DMD: variants seen among roughly 807,000 people sequenced by gnomAD.
DMD encodes mutant dystrophin.
Under a neutral mutation model 330.1 loss-of-function variants are expected in DMD, and 63 were observed. That is an observed-to-expected ratio of 0.19 (90% confidence interval 0.16 to 0.24). The LOEUF (loss-of-function observed/expected upper bound fraction) is 0.24, where lower values mean the gene tolerates loss of function less well. Ranked by LOEUF, DMD falls within the 10% of genes least tolerant of loss-of-function variation. The pLI is 1.00. For synonymous variants in DMD, 1,223 were observed against 959.8 expected (o/e 1.27, Z -5.07); for missense variants, 3,344 against 2,684.1 (o/e 1.25, Z -5.43).
chrX:32,468,924 A>G (rs2040337593), intron 22 of DMD, among the ~76,000 whole-genome samples: 1 of 110,935 alleles, frequency 9.0e-6, no homozygotes, highest in Admixed American at 9.7e-5. Flanking sequence ...AACACTCCAT[A>G]TGTATTTTTC....
At position 32,697,869 on chromosome X, in the gene DMD, C is replaced by A. The variant is rs199783662; in HGVS notation, c.960+1G>T. On this transcript the variant is annotated splice_donor_variant, in intron 9 of 78. Transcript: ENST00000357033. LOFTEE classifies it high-confidence loss of function. ...ACAACAGAGAGTAAATGTTGACAGA[C>A]CTGTGAAGGAAATGGGCTCCGTGTA... 2.5e-6 allele frequency: 3 copies of A among 1,210,337 alleles called. No homozygotes were observed. Among genetic ancestry groups the A allele is most frequent in the Non-Finnish European group, 3.4e-6 (3 of 894,935 alleles).
At chrX:33,062,129 T>G (rs750249101) in intron 1 of DMD, among the ~76,000 whole-genome samples, 1 of 112,137 alleles carries the variant, frequency 8.9e-6, no homozygotes, top group South Asian at 3.7e-4. Context: ...ATTTTCAGTA[T>G]TGAATAAAGA....
intron 16 of DMD, among the ~76,000 whole-genome samples, chrX:32,554,820 GGGAGGGGGAGGGAGAGAGAGA>G: frequency 1.4e-4 from 1 of 7,082 alleles, no homozygotes; most frequent in Non-Finnish European, 2.0e-4. Context: ...GAGGGAGGGA[GGGAGGGGGAGGGAGAGAGAGA>G]GAGAGAGAGA....
chrX:32,939,854 G>A (rs1387245457), intron 2 of DMD, among the ~76,000 whole-genome samples: 1 of 110,347 alleles, frequency 9.1e-6, no homozygotes, highest in East Asian at 3.2e-4. Context: ...AAGACTTACA[G>A]AACACTACTA....
intron 7 of DMD, among the ~76,000 whole-genome samples, chrX:32,758,805 A>G (rs1439909763): frequency 9.0e-6 from 1 of 111,729 alleles, no homozygotes; most frequent in Non-Finnish European, 1.9e-5. Context: ...AACGACCACA[A>G]ATAGGGGCCA....
chrX:32,885,883 C>T (rs189789684), intron 2 of DMD, among the ~76,000 whole-genome samples: 23 of 99,772 alleles, frequency 2.3e-4, no homozygotes, highest in Admixed American at 2.1e-3. Context: ...CACAGTTTTA[C>T]TCACCCCTTG....
chrX:31,164,179 T>C (rs2039164622), intron 74 of DMD, among the ~76,000 whole-genome samples: 1 of 112,260 alleles, frequency 8.9e-6, no homozygotes, highest in African/African-American at 3.2e-5. Flanking sequence ...TTCTGCTACA[T>C]GCTCCCGGGA....
intron 4 of DMD, among the ~76,000 whole-genome samples, chrX:32,840,906 C>T (rs894580899): frequency 2.7e-5 from 3 of 111,571 alleles, no homozygotes; most frequent in Non-Finnish European, 5.6e-5. Context: ...ATTTCTGTAA[C>T]TTGTATGTCT....
chrX:32,930,832 T>C (rs1018878794), intron 2 of DMD, among the ~76,000 whole-genome samples: 26 of 110,163 alleles, frequency 2.4e-4, no homozygotes, highest in African/African-American at 8.2e-4. Flanking sequence ...ATATTTACTA[T>C]TGCATACACA....
At chrX:31,223,171 G>C (rs200827028) in intron 63 of DMD, 50 bp from the exon 64 acceptor site, 2 of 1,080,254 alleles carry the variant, frequency 1.9e-6, no homozygotes, top group Admixed American at 2.2e-5. Flanking sequence ...AGAAATAACA[G>C]ACAACCCACC....
At chrX:32,535,816 C>A in intron 17 of DMD, among the ~76,000 whole-genome samples, 1 of 111,946 alleles carries the variant, frequency 8.9e-6, no homozygotes, top group Middle Eastern at 4.6e-3. Flanking sequence ...AATATTTATT[C>A]AATACCTACT....
At chrX:31,236,773 A>C (rs1221787321) in intron 63 of DMD, among the ~76,000 whole-genome samples, 1 of 112,246 alleles carries the variant, frequency 8.9e-6, no homozygotes, top group Non-Finnish European at 1.9e-5. Context: ...AGAGTTAATG[A>C]AATGTTCATA....
intron 5 of DMD, among the ~76,000 whole-genome samples, chrX:32,817,109 C>T (rs767780063): frequency 2.7e-5 from 3 of 111,715 alleles, no homozygotes; most frequent in East Asian, 2.8e-4. Context: ...GTTGCTTAAC[C>T]TCTTCTAGGC....
intron 1 of DMD, among the ~76,000 whole-genome samples, chrX:33,121,512 C>T (rs746657358): frequency 3.6e-5 from 4 of 112,068 alleles, no homozygotes; most frequent in African/African-American, 1.3e-4. Context: ...GGATTACAGG[C>T]GTGAGCCACC....
At chrX:31,528,409 T>C (rs1354789194) in intron 55 of DMD, among the ~76,000 whole-genome samples, 1 of 111,804 alleles carries the variant, frequency 8.9e-6, no homozygotes, top group Non-Finnish European at 1.9e-5. Context: ...AATTTCCAAA[T>C]GAAAAGAAGC....
intron 41 of DMD, among the ~76,000 whole-genome samples, chrX:32,312,873 A>G (rs2097568066): frequency 9.9e-6 from 1 of 100,623 alleles, no homozygotes; most frequent in East Asian, 3.2e-4. Context: ...AGACTAAACC[A>G]GGAAGAAGTT....
rs1197311952 is a variant in DMD, at chrX:31,226,757, C to G, written c.9287-3636G>C. ...TTGGTGCAACATCCTTCACCAGTAC[C>G]ATCAAATTTTTCCTGTACTTGCTAG... On this transcript the variant is annotated intron_variant, in intron 63 of 78. Transcript: ENST00000357033. Among the ~76,000 whole-genome samples the G allele has an allele frequency of 2.7e-4, 30 of 111,784 alleles. No homozygotes were observed. In the Admixed American group the frequency reaches 2.8e-3, roughly 10 times the overall value.
chrX:32,033,025 T>C (rs1867257952), intron 44 of DMD, among the ~76,000 whole-genome samples: 2 of 112,464 alleles, frequency 1.8e-5, no homozygotes, highest in South Asian at 7.3e-4. Flanking sequence ...ATGTGGTATA[T>C]ATACACAATG....
chrX:31,598,107 GTT>G (rs11332231), intron 55 of DMD, among the ~76,000 whole-genome samples: 4 of 100,232 alleles, frequency 4.0e-5, no homozygotes, highest in Admixed American at 2.2e-4. Context: ...TGTGTATCTT[GTT>G]TTTTTTTTTT....
Sources: allele counts gnomAD v4.1 joint callset (sites outside exome capture counted in the v4.1 genomes callset), GRCh38; gene constraint gnomAD v4.1.1; transcripts MANE v1.5; gene names NCBI Gene and HGNC (gene_info 2026-07-23, HGNC 2026-07-21).